Variants in SAMD4A observed in about 807,000 individuals in gnomAD.
SAMD4A encodes sterile alpha motif domain containing 4A, also known as protein Smaug homolog 1.
In SAMD4A, 33 loss-of-function variants were observed where a neutral mutation model predicts 81.3. That is an observed-to-expected ratio of 0.41 (90% CI 0.31 to 0.54). SAMD4A has a LOEUF of 0.54. SAMD4A is among the 20% of genes least tolerant of loss of function. The pLI is 0.37. For missense variants in SAMD4A, 854 were observed against 951.1 expected, an observed-to-expected ratio of 0.90 and a Z score of 1.34; for synonymous variants, 389 against 382.1, an observed-to-expected ratio of 1.02 and a Z score of -0.21.
At chr14:54,577,692 T>C (rs2033343345) in intron 2 of SAMD4A, among the ~76,000 whole-genome samples, 1 of 152,230 alleles carries the variant, frequency 6.6e-6, no homozygotes, top group Non-Finnish European at 1.5e-5. Context: ...GTGCTACCAG[T>C]CGCACTCTCC....
At chr14:54,682,268 C>T (rs913221532) in intron 2 of SAMD4A, among the ~76,000 whole-genome samples, 1 of 152,200 alleles carries the variant, frequency 6.6e-6, no homozygotes, top group Non-Finnish European at 1.5e-5. Flanking sequence ...TTGCTCAGTT[C>T]CATGTCGGCC....
In SAMD4A at chr14:54,744,137, C is replaced by T. The variant is rs530141725; in HGVS notation, c.980-4678C>T. Among the ~76,000 whole-genome samples, 70 of 152,290 alleles carry T rather than the reference C, an allele frequency of 4.6e-4. 1 individual carries two copies. The highest frequency in any genetic ancestry group is 8.4e-4 in the Non-Finnish European group (57 of 68,024). ...TACCAGGACCACCCCTACGTGAGCC[C>T]TTGTGTGGGAACAAGGCTGTTCATG... On this transcript the variant is annotated intron_variant, in intron 4 of 12. Coordinates refer to ENST00000554335, the MANE Select transcript of SAMD4A (RefSeq NM_015589.6).
At chr14:54,604,496 G>A (rs2034146083) in intron 2 of SAMD4A, among the ~76,000 whole-genome samples, 1 of 152,160 alleles carries the variant, frequency 6.6e-6, no homozygotes, top group Non-Finnish European at 1.5e-5. Context: ...CCTGTGCTAA[G>A]AAAACTTACA....
chr14:54,589,678 T>C (rs188439883), intron 2 of SAMD4A, among the ~76,000 whole-genome samples: 89 of 152,340 alleles, frequency 5.8e-4, no homozygotes, highest in Admixed American at 1.6e-3. Context: ...GTGTTAGAGG[T>C]TGAGAGTCCA....
chr14:54,760,598 G>GT (rs1213629962), intron 7 of SAMD4A, 104 bp downstream of exon 7: 1 of 1,346,946 alleles, frequency 7.4e-7, no homozygotes, highest in Non-Finnish European at 9.4e-7. Flanking sequence ...CCCTGTCCAA[G>GT]TAGACATCAT....
rs552068311 is a variant in SAMD4A at position 54,608,964 on chromosome 14, C to T, written c.196+40852C>T. Reference sequence around the variant, plus strand: ...ACAAGAATAAGTAAAAGGCGCTTTTCACATGTCAGAATGTTTTTTCTTGAA... The same window carrying T: ...ACAAGAATAAGTAAAAGGCGCTTTTTACATGTCAGAATGTTTTTTCTTGAA... On this transcript the variant is annotated intron_variant, in intron 2 of 12. Transcript: ENST00000554335. Among the ~76,000 whole-genome samples the T allele has an allele frequency of 2.0e-5, 3 of 152,306 alleles. No homozygotes were observed. The South Asian group carries it at 6.2e-4, about 32-fold the overall frequency.
At chr14:54,715,689 G>A (rs1957364) in intron 3 of SAMD4A, among the ~76,000 whole-genome samples, 100,296 of 151,816 alleles carry the variant, frequency 0.66, 34,039 homozygotes, top group East Asian at 0.82. Context: ...AAATACATGA[G>A]GATATTAGTG....
rs1487948803 is a variant in SAMD4A, at chr14:54,568,132, C to T, written c.196+20C>T. 3 of 1,453,820 alleles carry T rather than the reference C, an allele frequency of 2.1e-6. No individual in the cohort carries two copies. Among genetic ancestry groups the T allele is most frequent in the Admixed American group, 5.0e-5 (2 of 39,628 alleles). 90.1% of individuals were successfully genotyped at this position (1,453,820 alleles called of 1,614,324 possible). On this transcript the variant is annotated intron_variant, in intron 2 of 12. Transcript: ENST00000554335. ...GCCCCGGTAAGTGTGCGGCGGCCGC[C>T]GCCGCCGTCCCGCCTGCCCAACCCC...
At chr14:54,600,043 T>C (rs1006170152) in intron 2 of SAMD4A, among the ~76,000 whole-genome samples, 4 of 152,228 alleles carry the variant, frequency 2.6e-5, no homozygotes, top group African/African-American at 9.6e-5. Context: ...ACCACATCAT[T>C]TCCTACTGCC....
At chr14:54,590,561 A>G (rs1366799599) in intron 2 of SAMD4A, among the ~76,000 whole-genome samples, 3 of 152,126 alleles carry the variant, frequency 2.0e-5, no homozygotes, top group South Asian at 2.1e-4. Flanking sequence ...AGGCAGCTTT[A>G]TCTTCCCTTT....
chr14:54,605,972 C>T (rs77257233), intron 2 of SAMD4A, among the ~76,000 whole-genome samples: 1 of 152,138 alleles, frequency 6.6e-6, no homozygotes, highest in Non-Finnish European at 1.5e-5. Context: ...TAGAGACAGA[C>T]TGGAGCCTAA....
At chr14:54,653,464 T>A (rs1378953778) in intron 2 of SAMD4A, among the ~76,000 whole-genome samples, 1 of 151,658 alleles carries the variant, frequency 6.6e-6, no homozygotes. Context: ...CTCAGCCTCC[T>A]GAGTAGCTGG....
chr14:54,584,890 G>A (rs1045031968), intron 2 of SAMD4A, among the ~76,000 whole-genome samples: 3 of 152,126 alleles, frequency 2.0e-5, no homozygotes, highest in Non-Finnish European at 4.4e-5. Context: ...TTCTAGCAAA[G>A]CAGGTAGAAG....
chr14:54,707,761 G>A (rs1258312697), intron 3 of SAMD4A, among the ~76,000 whole-genome samples: 1 of 152,044 alleles, frequency 6.6e-6, no homozygotes, highest in African/African-American at 2.4e-5. Context: ...GGAGCAAAGA[G>A]TATTCCAAGC....
chr14:54,770,023 GT>G, intron 8 of SAMD4A, 80 bp from the exon 9 acceptor site: 1 of 889,504 alleles, frequency 1.1e-6, no homozygotes, highest in African/African-American at 1.7e-5. Context: ...AGACTCCAAT[GT>G]TTTCCCCTTA....
At chr14:54,624,025 G>A (rs550281717) in intron 2 of SAMD4A, among the ~76,000 whole-genome samples, 20 of 152,162 alleles carry the variant, frequency 1.3e-4, no homozygotes, top group African/African-American at 4.8e-4. Flanking sequence ...GCTCAGGCTG[G>A]AGTGCGGTGG....
chr14:54,708,173 A>G (rs2036904720), intron 3 of SAMD4A, among the ~76,000 whole-genome samples: 1 of 152,234 alleles, frequency 6.6e-6, no homozygotes, highest in Non-Finnish European at 1.5e-5. Context: ...GGTGAGAAGA[A>G]GTCAGGCTCT....
At chr14:54,749,603 C>T (rs1443360116) in intron 5 of SAMD4A, among the ~76,000 whole-genome samples, 1 of 152,184 alleles carries the variant, frequency 6.6e-6, no homozygotes, top group Non-Finnish European at 1.5e-5. Context: ...CAAAGGTTCC[C>T]CTTCCTTCTA....
chr14:54,701,647 C>T (rs764673701), intron 2 of SAMD4A, among the ~76,000 whole-genome samples: 1 of 152,222 alleles, frequency 6.6e-6, no homozygotes, highest in Admixed American at 6.5e-5. Flanking sequence ...GGAGGTGAAG[C>T]AGCCTCACCC....
Sources: allele counts gnomAD v4.1 joint callset (sites outside exome capture counted in the v4.1 genomes callset), GRCh38; gene constraint gnomAD v4.1.1; transcripts MANE v1.5; gene names NCBI Gene and HGNC (gene_info 2026-07-23, HGNC 2026-07-21).